Variants in ELK3 observed in about 807,000 individuals in gnomAD.
ELK3 encodes ETS transcription factor ELK3.
A neutral mutation model predicts 28.9 loss-of-function variants in ELK3; 10 were observed. The ratio of observed to expected loss-of-function variants is 0.35; its 90% CI spans 0.21 to 0.59. ELK3 has a LOEUF of 0.59. Ranked by LOEUF, ELK3 falls within the 20% of genes least tolerant of loss-of-function variation. The pLI is 0.82. For synonymous variants in ELK3, 272 were observed against 243.5 expected, an observed-to-expected ratio of 1.12 and a Z score of -1.09; for missense variants, 463 against 517.3, an observed-to-expected ratio of 0.90 and a Z score of 1.02.
Position 96,267,073 on chromosome 12 carries a change from C to T in ELK3, c.1126-9C>T. The T allele has an allele frequency of 1.2e-6, 2 of 1,604,458 alleles. No individual in the cohort carries two copies. The highest frequency in any genetic ancestry group is 1.7e-6 in the Non-Finnish European group (2 of 1,176,884). On this transcript the variant is annotated splice_polypyrimidine_tract_variant and intron_variant, in intron 4 of 4. Transcript: ENST00000228741. ...AATAATTATTGTAAAAATCTTTTGTCCCCTACAGTTCCCCACACTGCTTAA... is the reference window on the plus strand; with the variant it reads ...AATAATTATTGTAAAAATCTTTTGTTCCCTACAGTTCCCCACACTGCTTAA...
chr12:96,229,384 A>G (rs921723502), intron 2 of ELK3, among the ~76,000 whole-genome samples: 2 of 152,176 alleles, frequency 1.3e-5, no homozygotes, highest in African/African-American at 4.8e-5. Context: ...CCTCTGACTC[A>G]GGTGGACTCT....
chr12:96,239,963 C>T (rs1951809196), intron 2 of ELK3, among the ~76,000 whole-genome samples: 1 of 152,248 alleles, frequency 6.6e-6, no homozygotes, highest in Non-Finnish European at 1.5e-5. Context: ...TTGGATCTAG[C>T]AGTTATTCAC....
intron 2 of ELK3, among the ~76,000 whole-genome samples, chr12:96,238,609 T>G (rs745775612): frequency 2.6e-5 from 4 of 152,202 alleles, no homozygotes; most frequent in Non-Finnish European, 5.9e-5. Flanking sequence ...ATGCCACTTA[T>G]AGTTTGGCTG....
intron 3 of ELK3, among the ~76,000 whole-genome samples, chr12:96,254,696 C>T (rs1951934318): frequency 6.6e-6 from 1 of 152,076 alleles, no homozygotes; most frequent in Non-Finnish European, 1.5e-5. Flanking sequence ...ACTTAAGTCC[C>T]TTCATCTAGT....
At chr12:96,246,872 T>A in intron 2 of ELK3, 68 bp from the exon 3 acceptor site, 1 of 1,477,592 alleles carries the variant, frequency 6.8e-7, no homozygotes, top group Non-Finnish European at 9.1e-7. Flanking sequence ...ACATTTACCA[T>A]TATCATGAGC....
intron 3 of ELK3, among the ~76,000 whole-genome samples, chr12:96,249,982 G>T (rs907123313): frequency 7.9e-5 from 12 of 152,174 alleles, no homozygotes; most frequent in Admixed American, 6.5e-4. Flanking sequence ...CTGTGAGGGT[G>T]GGGCTGTGAT....
intron 1 of ELK3, among the ~76,000 whole-genome samples, chr12:96,216,268 C>T (rs1267456098): frequency 6.6e-6 from 1 of 152,092 alleles, no homozygotes; most frequent in Non-Finnish European, 1.5e-5. Flanking sequence ...AGATGGGAGC[C>T]GAATGTACCC....
chr12:96,236,250 G>A lies in ELK3; in HGVS notation c.208-10690G>A, dbSNP rs145086244. On this transcript the variant is annotated intron_variant, in intron 2 of 4. Coordinates refer to ENST00000228741, the MANE Select transcript of ELK3 (RefSeq NM_005230.4). ...CCAGCCAGCAGCAGCGCCCAGCCAA[G>A]AAGGCAGGGAGAAAAATGCTGCGAA... Among the ~76,000 whole-genome samples the A allele has an allele frequency of 8.3e-3, 1,272 of 152,336 alleles. 12 individuals carry two copies. The highest frequency in any genetic ancestry group is 0.017 in the Middle Eastern group (5 of 294).
intron 2 of ELK3, among the ~76,000 whole-genome samples, chr12:96,229,829 C>A (rs950262631): frequency 6.6e-6 from 1 of 152,066 alleles, no homozygotes. Flanking sequence ...CGTGCCTGGC[C>A]GATTTTCCTC....
chr12:96,204,285 G>A lies in ELK3; in HGVS notation c.-3+9580G>A, dbSNP rs564583745. Among the ~76,000 whole-genome samples the A allele has an allele frequency of 2.0e-5, 3 of 152,230 alleles. No homozygotes were observed. The South Asian group carries it at 6.2e-4, about 32-fold the overall frequency. The stretch of plus-strand genomic sequence containing the variant: ...GGATAACCAGTTTTTAATCCTGTAA[G>A]ATCCACAGTTCAGGGTCCTTCTTTA... On this transcript the variant is annotated intron_variant, in intron 1 of 4. Coordinates refer to ENST00000228741, the MANE Select transcript of ELK3 (RefSeq NM_005230.4).
rs185751505 is a variant in ELK3, at chr12:96,194,675, T to C, written c.-33T>C. Reference sequence around the variant, plus strand: ...GCTTTCGCCCGGGTCCTCCTAGAAATTCCCCCCGAAGAAGACTCCCCCACA... The same window carrying C: ...GCTTTCGCCCGGGTCCTCCTAGAAACTCCCCCCGAAGAAGACTCCCCCACA... On this transcript the variant is annotated 5_prime_UTR_variant, in exon 1 of 5. Coordinates refer to ENST00000228741, the MANE Select transcript of ELK3 (RefSeq NM_005230.4). 1 of 150,650 alleles carries C rather than the reference T, an allele frequency of 6.6e-6. No homozygotes were observed. The highest frequency in any genetic ancestry group is 2.4e-5 in the African/African-American group (1 of 41,354). The allele number at this position is 150,650 out of a possible 1,614,324, so 9.3% of individuals were successfully genotyped here. A position where few individuals can be genotyped will look rare whatever the true frequency, so the allele number is the denominator to read the frequency against.
At chr12:96,246,847 G>T (rs1313422507) in intron 2 of ELK3, 93 bp from the exon 3 acceptor site, 1 of 1,310,592 alleles carries the variant, frequency 7.6e-7, no homozygotes, top group East Asian at 2.3e-5. Context: ...GAACATTTTG[G>T]TGCTTCTGCC....
intron 1 of ELK3, among the ~76,000 whole-genome samples, chr12:96,216,839 A>G (rs1030802613): frequency 5.3e-5 from 8 of 152,214 alleles, no homozygotes; most frequent in Non-Finnish European, 8.8e-5. Context: ...TAACTTCCCC[A>G]AAGTCCCACA....
In ELK3 at chr12:96,267,363, A is replaced by G; in HGVS notation, c.*183A>G. ...AAAACTGTTTTTGATATATTCAAGT[A>G]TATATGAAAATCTGTTTGGCATTAA... On this transcript the variant is annotated 3_prime_UTR_variant, in exon 5 of 5. Transcript: ENST00000228741. 5 of 493,250 alleles carry G rather than the reference A, an allele frequency of 1.0e-5. No individual in the cohort carries two copies. The highest frequency in any genetic ancestry group is 1.8e-5 in the Non-Finnish European group (5 of 281,456). 30.6% of individuals were successfully genotyped at this position (493,250 alleles called of 1,614,324 possible).
chr12:96,242,267 G>A (rs991045774), intron 2 of ELK3, among the ~76,000 whole-genome samples: 8 of 152,214 alleles, frequency 5.3e-5, no homozygotes, highest in African/African-American at 9.6e-5. Context: ...GACCTCAGGA[G>A]TCAGATTGCC....
At chr12:96,196,953 A>G (rs1592948069) in intron 1 of ELK3, among the ~76,000 whole-genome samples, 1 of 152,160 alleles carries the variant, frequency 6.6e-6, no homozygotes, top group East Asian at 1.9e-4. Context: ...GTCAGTGGAC[A>G]TGAGTACAGG....
At chr12:96,211,870 T>C (rs1449149088) in intron 1 of ELK3, among the ~76,000 whole-genome samples, 2 of 152,232 alleles carry the variant, frequency 1.3e-5, no homozygotes, top group African/African-American at 4.8e-5. Flanking sequence ...AAACAGTCTT[T>C]AATTTTCATT....
At chr12:96,223,875 GAAAAT>G (rs2137014927) in intron 2 of ELK3, 102 bp downstream of exon 2, 2 of 1,257,538 alleles carry the variant, frequency 1.6e-6, no homozygotes, top group South Asian at 2.7e-5. Context: ...AATCAAGTTA[GAAAAT>G]AAAATAGGGG....
At chr12:96,228,289 A>G (rs1951718121) in intron 2 of ELK3, among the ~76,000 whole-genome samples, 1 of 151,794 alleles carries the variant, frequency 6.6e-6, no homozygotes, top group Non-Finnish European at 1.5e-5. Context: ...GTGGTGGTGC[A>G]CACCTGTGGT....
Sources: allele counts gnomAD v4.1 joint callset (sites outside exome capture counted in the v4.1 genomes callset), GRCh38; gene constraint gnomAD v4.1.1; transcripts MANE v1.5; gene names NCBI Gene and HGNC (gene_info 2026-07-23, HGNC 2026-07-21).